Variants in GRIP1 observed in about 807,000 individuals in gnomAD.
GRIP1 encodes glutamate receptor-interacting protein 1.
A neutral mutation model predicts 129.9 loss-of-function variants in GRIP1; 45 were observed. That is an observed-to-expected ratio of 0.35 (90% CI 0.27 to 0.44). GRIP1 has a LOEUF of 0.44. Ranked by LOEUF, GRIP1 falls within the 20% of genes least tolerant of loss-of-function variation. The pLI is 1.00. For synonymous variants in GRIP1, 530 were observed against 520.8 expected (o/e 1.02, Z -0.24); for missense variants, 1,196 against 1,396.8 (o/e 0.86, Z 2.29).
At chr12:66,533,078 C>T (rs537712301) in intron 4 of GRIP1, among the ~76,000 whole-genome samples, 11 of 152,184 alleles carry the variant, frequency 7.2e-5, no homozygotes, top group African/African-American at 2.4e-4. Flanking sequence ...ACTATTCATG[C>T]TTATGATAAT....
chr12:66,779,985 A>T (rs573901111), intron 1 of GRIP1, among the ~76,000 whole-genome samples: 27 of 152,320 alleles, frequency 1.8e-4, no homozygotes, highest in African/African-American at 6.0e-4. Context: ...TAGTGTGGTG[A>T]ATGTATCAGG....
intron 2 of GRIP1, among the ~76,000 whole-genome samples, chr12:66,559,107 C>T (rs2139380146): frequency 6.7e-6 from 1 of 150,046 alleles, no homozygotes; most frequent in African/African-American, 2.5e-5. Flanking sequence ...GCTGAAAAAG[C>T]ATTTGATAAA....
chr12:66,877,116 T>C (rs2040396790), intron 1 of GRIP1, among the ~76,000 whole-genome samples: 1 of 152,018 alleles, frequency 6.6e-6, no homozygotes, highest in Non-Finnish European at 1.5e-5. Context: ...ATAGCATTGA[T>C]ATAAGGTCAA....
At position 66,931,828 on chromosome 12, in the gene GRIP1, T is replaced by C. The variant is rs1320724152; in HGVS notation, c.58+137222A>G. Among the ~76,000 whole-genome samples the C allele has an allele frequency of 5.9e-5, 9 of 152,192 alleles. No individual in the cohort carries two copies. The East Asian group carries it at 1.7e-3, about 29-fold the overall frequency. On this transcript the variant is annotated intron_variant, in intron 1 of 1. Transcript: ENST00000643019. ...CTTTCTTAACTCTGCTGAATCACTG[T>C]GAAATTTCAGGACCTCTCTTTTTAA...
At chr12:66,736,904 C>T (rs2036620156) in intron 1 of GRIP1, among the ~76,000 whole-genome samples, 1 of 149,248 alleles carries the variant, frequency 6.7e-6, no homozygotes, top group South Asian at 2.2e-4. Flanking sequence ...CTTTGATATA[C>T]AGTTTGCAAG....
At chr12:66,976,604 A>T (rs1415415908) in intron 1 of GRIP1, among the ~76,000 whole-genome samples, 2 of 152,202 alleles carry the variant, frequency 1.3e-5, no homozygotes, top group Admixed American at 6.5e-5. Context: ...GCAAAGAACA[A>T]AAGTATTTTA....
chr12:66,608,488 A>G (rs1374964917), intron 1 of GRIP1, among the ~76,000 whole-genome samples: 2 of 152,162 alleles, frequency 1.3e-5, no homozygotes, highest in Non-Finnish European at 2.9e-5. Context: ...GCATACCACC[A>G]TGACTGGCTA....
Position 66,889,139 on chromosome 12 carries a change from C to T in GRIP1, c.58+179911G>A, listed in dbSNP as rs374952025. 5.1e-4 allele frequency among the ~76,000 whole-genome samples: 77 copies of T among 152,244 alleles called. 1 individual carries two copies. Among genetic ancestry groups the T allele is most frequent in the African/African-American group, 1.5e-3 (64 of 41,554 alleles). ...GTAAGTCTAGTTGTTTGTCTGTGCA[C>T]GGATGTGGTACATACATTCCTTTTT... On this transcript the variant is annotated intron_variant, in intron 1 of 1. Transcript: ENST00000643019.
chr12:66,741,018 A>G (rs2036772541), intron 1 of GRIP1, among the ~76,000 whole-genome samples: 1 of 152,192 alleles, frequency 6.6e-6, no homozygotes, highest in Non-Finnish European at 1.5e-5. Flanking sequence ...GTCCAATTTG[A>G]CCAAGGCTCC....
chr12:66,937,540 C>A (rs918679283), intron 1 of GRIP1, among the ~76,000 whole-genome samples: 7 of 151,988 alleles, frequency 4.6e-5, no homozygotes, highest in African/African-American at 1.7e-4. Context: ...CAAGCTCATA[C>A]CTAAAATAAC....
chr12:66,900,404 C>A (rs1039373257), intron 1 of GRIP1, among the ~76,000 whole-genome samples: 1 of 152,162 alleles, frequency 6.6e-6, no homozygotes, highest in African/African-American at 2.4e-5. Flanking sequence ...ACTGCCATCA[C>A]ATCTATGAAG....
At chr12:66,932,737 C>T (rs1404141788) in intron 1 of GRIP1, among the ~76,000 whole-genome samples, 1 of 152,078 alleles carries the variant, frequency 6.6e-6, no homozygotes, top group Non-Finnish European at 1.5e-5. Context: ...GGCATGATCT[C>T]GGCTCATTGC....
At chr12:66,800,210 C>T (rs2038818797) in intron 1 of GRIP1, among the ~76,000 whole-genome samples, 1 of 152,122 alleles carries the variant, frequency 6.6e-6, no homozygotes, top group Non-Finnish European at 1.5e-5. Flanking sequence ...TCCCTCTCTC[C>T]AGTTTCCCTG....
intron 11 of GRIP1, among the ~76,000 whole-genome samples, chr12:66,450,815 AAAGAT>A (rs1220044968): frequency 2.0e-5 from 3 of 152,242 alleles, no homozygotes; most frequent in Non-Finnish European, 4.4e-5. Flanking sequence ...ATTGTGATTT[AAAGAT>A]AAGGAATCAA....
At chr12:66,503,621 C>G (rs540348030) in intron 7 of GRIP1, among the ~76,000 whole-genome samples, 2 of 152,160 alleles carry the variant, frequency 1.3e-5, no homozygotes, top group Non-Finnish European at 2.9e-5. Context: ...AGGCAAGAAT[C>G]GAGGTTGCTG....
chr12:66,666,825 C>A lies in GRIP1; in HGVS notation c.55+12025G>T, dbSNP rs7961081. On this transcript the variant is annotated intron_variant, in intron 1 of 24. Transcript: ENST00000359742. Reference sequence around the variant, plus strand: ...CCTAAAAATGTATTTATTTTATGCTCACCCTTGATAGACATTTTTAGGTTT... The same window carrying A: ...CCTAAAAATGTATTTATTTTATGCTAACCCTTGATAGACATTTTTAGGTTT... 4.0e-3 allele frequency among the ~76,000 whole-genome samples: 612 copies of A among 151,634 alleles called. 3 individuals are homozygous for A. Among genetic ancestry groups the A allele is most frequent in the African/African-American group, 0.014 (562 of 41,412 alleles).
Position 66,833,857 on chromosome 12 carries a change from C to T in GRIP1, c.58+235193G>A, listed in dbSNP as rs977779248. 3.3e-5 allele frequency among the ~76,000 whole-genome samples: 5 copies of T among 152,062 alleles called. No homozygotes were observed. In the East Asian group the frequency reaches 7.8e-4, roughly 24 times the overall value. The stretch of plus-strand genomic sequence containing the variant: ...TATCAAAGGCTTACAAATGTGCTAG[C>T]TATTAAAAAAAAATTTAAAAGGATT... On this transcript the variant is annotated intron_variant, in intron 1 of 1. Coordinates refer to the GRIP1 transcript ENST00000643019.
intron 1 of GRIP1, among the ~76,000 whole-genome samples, chr12:66,666,749 T>A (rs543358865): frequency 6.6e-6 from 1 of 151,992 alleles, no homozygotes; most frequent in African/African-American, 2.4e-5. Flanking sequence ...TCTCCAGTCA[T>A]TTTTTTTCTA....
chr12:66,705,639 T>C (rs1361769767), intron 1 of GRIP1, among the ~76,000 whole-genome samples: 1 of 152,138 alleles, frequency 6.6e-6, no homozygotes, highest in Non-Finnish European at 1.5e-5. Flanking sequence ...GGCATCATGC[T>C]ACCTGATTTC....
Sources: allele counts gnomAD v4.1 joint callset (sites outside exome capture counted in the v4.1 genomes callset), GRCh38; gene constraint gnomAD v4.1.1; transcripts MANE v1.5; gene names NCBI Gene and HGNC (gene_info 2026-07-23, HGNC 2026-07-21).